Variants in TLE1 observed in about 807,000 individuals in gnomAD.
TLE1 encodes the protein transducin-like enhancer protein 1.
In TLE1, 21 loss-of-function variants were observed where a neutral mutation model predicts 89.8. The ratio of observed to expected loss-of-function variants is 0.23; its 90% CI spans 0.17 to 0.34. TLE1 has a LOEUF of 0.34. TLE1 is among the 10% of genes least tolerant of loss of function. The probability of loss-of-function intolerance (pLI) is 1.00; values close to 1 mark genes in which losing one functional copy is unlikely to be tolerated. For synonymous variants in TLE1, 447 were observed against 407.6 expected (o/e 1.10, Z -1.16); for missense variants, 795 against 1,031.2 (o/e 0.77, Z 3.14).
intron 14 of TLE1, among the ~76,000 whole-genome samples, chr9:81,598,397 A>C (rs1028676819): frequency 7.9e-5 from 12 of 152,086 alleles, no homozygotes; most frequent in African/African-American, 2.9e-4. Context: ...CCCAGCCTTG[A>C]TGATTCTTTC....
chr9:81,608,665 G>A (rs1278595420), intron 14 of TLE1, among the ~76,000 whole-genome samples: 3 of 152,140 alleles, frequency 2.0e-5, no homozygotes, highest in Non-Finnish European at 4.4e-5. Flanking sequence ...AGCTGGGCAC[G>A]GTGGCTCACG....
At chr9:81,657,403 C>T (rs2132699071) in intron 4 of TLE1, among the ~76,000 whole-genome samples, 1 of 152,270 alleles carries the variant, frequency 6.6e-6, no homozygotes, top group African/African-American at 2.4e-5. Flanking sequence ...TTCTAGTGTG[C>T]TATGGCTGCA....
intron 6 of TLE1, among the ~76,000 whole-genome samples, chr9:81,651,653 A>G (rs896295682): frequency 1.3e-5 from 2 of 152,342 alleles, no homozygotes; most frequent in Non-Finnish European, 2.9e-5. Flanking sequence ...AAAAGCAAGG[A>G]TAACTAAATG....
chr9:81,632,473 CCCTT>C (rs1563998724), intron 8 of TLE1, among the ~76,000 whole-genome samples: 1 of 49,928 alleles, frequency 2.0e-5, no homozygotes, highest in African/African-American at 5.4e-5. Context: ...TGTTCAGTAT[CCCTT>C]TTTTTTTTTT....
chr9:81,664,180 TG>T (rs1436368100), intron 4 of TLE1, among the ~76,000 whole-genome samples: 2 of 151,506 alleles, frequency 1.3e-5, no homozygotes, highest in Non-Finnish European at 2.9e-5. Flanking sequence ...CCCACCATTT[TG>T]GGCGGGATGG....
At chr9:81,657,415 T>G (rs1356643756) in intron 4 of TLE1, among the ~76,000 whole-genome samples, 2 of 152,216 alleles carry the variant, frequency 1.3e-5, no homozygotes, top group African/African-American at 4.8e-5. Context: ...ATGGCTGCAC[T>G]TTTTATGCTT....
chr9:81,656,162 C>G (rs989324895), intron 4 of TLE1, among the ~76,000 whole-genome samples: 1 of 152,088 alleles, frequency 6.6e-6, no homozygotes, highest in Non-Finnish European at 1.5e-5. Flanking sequence ...GCAGCTGTAC[C>G]AGGTACAAAA....
chr9:81,666,068 T>A (rs1317035992), intron 4 of TLE1, among the ~76,000 whole-genome samples: 1 of 152,170 alleles, frequency 6.6e-6, no homozygotes, highest in Non-Finnish European at 1.5e-5. Context: ...GCTGTTTTAG[T>A]TCCTAAATAG....
At chr9:81,610,396 C>T (rs945730438) in intron 13 of TLE1, 100 bp from the exon 14 acceptor site, 3 of 858,218 alleles carry the variant, frequency 3.5e-6, no homozygotes, top group Non-Finnish European at 5.6e-6. Context: ...CCCAAAGCAA[C>T]ATAAATGGGA....
intron 4 of TLE1, among the ~76,000 whole-genome samples, chr9:81,679,655 G>T (rs1331842191): frequency 6.6e-6 from 1 of 152,068 alleles, no homozygotes; most frequent in African/African-American, 2.4e-5. Context: ...CCCACCGACA[G>T]AAACAGCTGT....
intron 6 of TLE1, among the ~76,000 whole-genome samples, chr9:81,638,134 T>A (rs575037271): frequency 5.9e-5 from 9 of 152,142 alleles, no homozygotes; most frequent in Non-Finnish European, 1.3e-4. Context: ...AAATCCACCC[T>A]CACCAACAGG....
chr9:81,610,636 G>A lies in TLE1; in HGVS notation c.1255-340C>T, dbSNP rs990384418. 3.3e-5 allele frequency among the ~76,000 whole-genome samples: 5 copies of A among 152,098 alleles called. 1 individual carries two copies. In the South Asian group the frequency reaches 1.0e-3, roughly 32 times the overall value. ...CTCAACCTCAGCACTATTGACATTT[G>A]GGGCCAAACAGTTCTTTTCTTTGTT... On this transcript the variant is annotated intron_variant, in intron 13 of 19. Coordinates refer to ENST00000376499, the MANE Select transcript of TLE1 (RefSeq NM_005077.5).
chr9:81,607,734 G>A (rs1368610430), intron 14 of TLE1, among the ~76,000 whole-genome samples: 2 of 152,064 alleles, frequency 1.3e-5, no homozygotes, highest in African/African-American at 4.8e-5. Context: ...CAGGCTGGAA[G>A]CAGGGGGGCA....
In TLE1 at chr9:81,629,540, T is replaced by A. The variant is rs191913367; in HGVS notation, c.594+3808A>T. On this transcript the variant is annotated intron_variant, in intron 8 of 19. Transcript: ENST00000376499. ...ATAAGAAACTTTAAAGCAGTTTCCA[T>A]AAAAACTTTCACTCTTAGAACAGCC... Among the ~76,000 whole-genome samples the A allele has an allele frequency of 3.9e-4, 60 of 152,288 alleles. 3 individuals carry two copies. In the East Asian group the frequency reaches 0.011, roughly 27 times the overall value.
At position 81,688,474 on chromosome 9, in the gene TLE1, A is replaced by C. The variant is rs1467886958; in HGVS notation, c.-234T>G. On this transcript the variant is annotated 5_prime_UTR_variant, in exon 1 of 20. Transcript: ENST00000376499. ...TCAGGGCCACATTAGTGGGCGCCCC[A>C]GGCCCAGCTGCTTCAAGAACCTGCG... is the stretch of plus-strand genomic sequence containing the variant. 3 of 428,344 alleles carry C rather than the reference A, an allele frequency of 7.0e-6. No individual in the cohort carries two copies. The highest frequency in any genetic ancestry group is 1.2e-5 in the Non-Finnish European group (3 of 245,966). The allele number at this position is 428,344 out of a possible 1,614,324, so 26.5% of individuals were successfully genotyped here. A position where few individuals can be genotyped will look rare whatever the true frequency, so the allele number is the denominator to read the frequency against.
In TLE1 at chr9:81,634,183, A is replaced by G; in HGVS notation, c.491T>C (p.Leu164Pro). ...ACTCAGAGCACTAGACAGCGCAAGAAGGCCGGCACTGCCCCCGAGGGGCGG... is the reference window on the plus strand; with the variant it reads ...ACTCAGAGCACTAGACAGCGCAAGAGGGCCGGCACTGCCCCCGAGGGGCGG... ...GIPPLGGSAG[L>P]LALSSALSGQ... Residue 164 changes from leucine (L) to proline (P), a missense_variant, in exon 7 of 20, where the codon CTT becomes CCT. Around this residue, in one of 4 missense-constraint regions of TLE1, gnomAD observed 468 missense variants for 509.1 expected, o/e 0.92. Coordinates refer to ENST00000376499, the MANE Select transcript of TLE1 (RefSeq NM_005077.5). 6.3e-7 allele frequency: 1 copy of G among 1,595,602 alleles called. No homozygotes were observed. Among genetic ancestry groups the G allele is most frequent in the Non-Finnish European group, 8.6e-7 (1 of 1,169,474 alleles).
At chr9:81,670,450 C>T (rs1335733788) in intron 4 of TLE1, among the ~76,000 whole-genome samples, 1 of 152,112 alleles carries the variant, frequency 6.6e-6, no homozygotes, top group South Asian at 2.1e-4. Context: ...CTCAGCCTCC[C>T]TAGTAGCTGG....
intron 6 of TLE1, among the ~76,000 whole-genome samples, chr9:81,645,000 C>CAAAA (rs150421441): frequency 6.2e-5 from 4 of 64,894 alleles, no homozygotes; most frequent in Non-Finnish European, 8.2e-5. Flanking sequence ...GACACTGTCT[C>CAAAA]AAAAAAAAAA....
At chr9:81,654,630 T>A (rs945861392) in intron 4 of TLE1, among the ~76,000 whole-genome samples, 1 of 152,156 alleles carries the variant, frequency 6.6e-6, no homozygotes, top group Non-Finnish European at 1.5e-5. Context: ...CGTGAGCCAC[T>A]GCACCCAGCC....
Sources: gnomAD v4.1 joint callset for allele counts (sites outside exome capture counted in the v4.1 genomes callset) on GRCh38, gnomAD v4.1.1 for gene constraint, gnomAD v4.1.1 regional missense constraint, MANE v1.5 for transcripts, NCBI Gene and HGNC (gene_info 2026-07-23, HGNC 2026-07-21) for gene names.